The following SLC39A11 variants were observed in gnomAD, a reference collection of about 807,000 sequenced individuals.
SLC39A11 encodes the protein zinc transporter ZIP11.
Under a neutral mutation model 36.1 loss-of-function variants are expected in SLC39A11, and 33 were observed. The observed-to-expected ratio is 0.91, with a 90% CI of 0.69 to 1.22. The LOEUF (loss-of-function observed/expected upper bound fraction) is 1.22. Among genes scored for constraint, SLC39A11 ranks in the 50% most tolerant of loss-of-function variants. The probability of loss-of-function intolerance (pLI) is 0.00; values close to 1 mark genes in which losing one functional copy is unlikely to be tolerated. For synonymous variants in SLC39A11, 166 were observed against 170.3 expected, an observed-to-expected ratio of 0.97 and a Z score of 0.20; for missense variants, 432 against 430.3, an observed-to-expected ratio of 1.00 and a Z score of -0.03.
intron 5 of SLC39A11, among the ~76,000 whole-genome samples, chr17:72,867,065 G>T (rs559556304): frequency 6.6e-6 from 1 of 152,254 alleles, no homozygotes; most frequent in Admixed American, 6.5e-5. Context: ...CATTTGGGAG[G>T]TATCAAACAA....
intron 7 of SLC39A11, among the ~76,000 whole-genome samples, chr17:72,732,040 C>CTTTTTTTTTTTTTTTTTTTTTT (rs764728558): frequency 6.2e-4 from 21 of 33,652 alleles, no homozygotes; most frequent in South Asian, 1.1e-3. Context: ...CTTTTCTTTT[C>CTTTTTTTTTTTTTTTTTTTTTT]TTTTTTTTTT....
intron 5 of SLC39A11, among the ~76,000 whole-genome samples, chr17:72,913,742 A>G (rs2083162651): frequency 6.6e-6 from 1 of 151,794 alleles, no homozygotes; most frequent in Non-Finnish European, 1.5e-5. Context: ...CTAGTTCTCC[A>G]GAAATCAAGA....
intron 7 of SLC39A11, among the ~76,000 whole-genome samples, chr17:72,649,826 CAAGT>C (rs764721838): frequency 1.3e-5 from 2 of 152,066 alleles, no homozygotes; most frequent in Admixed American, 6.5e-5. Flanking sequence ...CTCCTGACCT[CAAGT>C]GATCTGCCTG....
chr17:72,764,468 C>A (rs2075695390), intron 6 of SLC39A11, among the ~76,000 whole-genome samples: 1 of 152,166 alleles, frequency 6.6e-6, no homozygotes. Flanking sequence ...TGGTGGGTAA[C>A]TGTAGGATTG....
intron 6 of SLC39A11, among the ~76,000 whole-genome samples, chr17:72,757,298 G>C (rs1028579126): frequency 6.6e-6 from 1 of 152,142 alleles, no homozygotes; most frequent in Non-Finnish European, 1.5e-5. Flanking sequence ...GTAAAGACAG[G>C]AATCCCATGA....
At chr17:72,659,729 C>T (rs1034921904) in intron 7 of SLC39A11, among the ~76,000 whole-genome samples, 3 of 151,888 alleles carry the variant, frequency 2.0e-5, no homozygotes, top group African/African-American at 4.8e-5. Context: ...ATTACAGGCA[C>T]CTACCACCAT....
At chr17:72,719,385 C>T (rs1309740494) in intron 7 of SLC39A11, among the ~76,000 whole-genome samples, 2 of 152,218 alleles carry the variant, frequency 1.3e-5, no homozygotes, top group Admixed American at 6.5e-5. Flanking sequence ...CCAAGTGCCA[C>T]ATGTCCCCAC....
At chr17:72,758,012 G>A (rs908916051) in intron 6 of SLC39A11, among the ~76,000 whole-genome samples, 9 of 151,844 alleles carry the variant, frequency 5.9e-5, no homozygotes, top group South Asian at 2.1e-4. Flanking sequence ...CAGCCTCCCC[G>A]GTAGCTGGTA....
chr17:72,676,333 C>A (rs1465245213), intron 7 of SLC39A11, among the ~76,000 whole-genome samples: 3 of 152,050 alleles, frequency 2.0e-5, no homozygotes, highest in Non-Finnish European at 4.4e-5. Context: ...CAGAAGGGTG[C>A]CTTCAACAGA....
chr17:72,904,283 CAA>C (rs1299025667), intron 5 of SLC39A11, among the ~76,000 whole-genome samples: 1 of 152,020 alleles, frequency 6.6e-6, no homozygotes, highest in African/African-American at 2.4e-5. Context: ...TCTAAAAAAA[CAA>C]AAAGAGGTGA....
At chr17:73,067,846 C>A (rs2060041890) in intron 3 of SLC39A11, 1 of 1,594,624 alleles carries the variant, frequency 6.3e-7, no homozygotes, top group Non-Finnish European at 8.6e-7. Context: ...TTTAATGTAG[C>A]AAGTTGATTT....
At chr17:72,828,391 G>A (rs1241875584) in intron 6 of SLC39A11, among the ~76,000 whole-genome samples, 1 of 152,348 alleles carries the variant, frequency 6.6e-6, no homozygotes, top group South Asian at 2.1e-4. Context: ...GCCAGGAAAG[G>A]CAGGCAGCCA....
In SLC39A11 at chr17:72,848,189, G is replaced by A. The variant is rs574792338; in HGVS notation, c.601+1445C>T. ...GGCATTATCCCCATTTCTTAGATGA[G>A]AAAACCAAGGTTCAGGGAGTTCAAG... is the stretch of plus-strand genomic sequence containing the variant. On this transcript the variant is annotated intron_variant, in intron 6 of 9. Coordinates refer to ENST00000255559, the MANE Select transcript of SLC39A11 (RefSeq NM_139177.4). 3.9e-5 allele frequency among the ~76,000 whole-genome samples: 6 copies of A among 152,314 alleles called. No individual in the cohort carries two copies. The South Asian group carries it at 1.2e-3, about 32-fold the overall frequency.
chr17:72,947,576 T>C (rs1476423402), intron 5 of SLC39A11, 176 bp downstream of exon 5: 2 of 842,946 alleles, frequency 2.4e-6, no homozygotes, highest in Non-Finnish European at 3.8e-6. Flanking sequence ...GAAATGAAGG[T>C]GCTGGGCCAG....
intron 4 of SLC39A11, among the ~76,000 whole-genome samples, chr17:73,014,881 A>C (rs9913017): frequency 0.7 from 106,807 of 152,014 alleles, 41,474 homozygotes; most frequent in Non-Finnish European, 0.87. Context: ...TCCTGTTCAG[A>C]GCTCTCCCAA....
chr17:73,022,056 T>A (rs1420347126), intron 4 of SLC39A11, among the ~76,000 whole-genome samples: 1 of 152,224 alleles, frequency 6.6e-6, no homozygotes, highest in Non-Finnish European at 1.5e-5. Flanking sequence ...GCAGACACGC[T>A]TGAAATGCTC....
chr17:72,936,787 CT>C, intron 5 of SLC39A11, among the ~76,000 whole-genome samples: 1 of 147,324 alleles, frequency 6.8e-6, no homozygotes, highest in Non-Finnish European at 1.5e-5. Context: ...CCGTTCCACC[CT>C]CCGATCATCA....
At chr17:72,741,294 C>A (rs117233645) in intron 6 of SLC39A11, among the ~76,000 whole-genome samples, 1 of 152,142 alleles carries the variant, frequency 6.6e-6, no homozygotes, top group African/African-American at 2.4e-5. Context: ...TAGCCTCAAG[C>A]GATCCTCCTG....
At chr17:72,909,809 G>A (rs956733709) in intron 5 of SLC39A11, among the ~76,000 whole-genome samples, 2 of 150,666 alleles carry the variant, frequency 1.3e-5, no homozygotes, top group East Asian at 2.0e-4. Context: ...GCAGTGGCGT[G>A]ATCTCGGCTC....
Sources: gnomAD v4.1 joint callset for allele counts (sites outside exome capture counted in the v4.1 genomes callset) on GRCh38, gnomAD v4.1.1 for gene constraint, MANE v1.5 for transcripts, NCBI Gene and HGNC (gene_info 2026-07-23, HGNC 2026-07-21) for gene names.